OR10G3: variants seen among roughly 807,000 people sequenced by gnomAD.
The protein encoded by OR10G3 is olfactory receptor family 10 subfamily G member 3.
Under a neutral mutation model 13.4 loss-of-function variants are expected in OR10G3, and 8 were observed. The ratio of observed to expected loss-of-function variants is 0.60; its 90% CI spans 0.35 to 1.08. The LOEUF (loss-of-function observed/expected upper bound fraction) is 1.08, where lower values mean the gene tolerates loss of function less well. Ranked by LOEUF, OR10G3 falls within the 50% of genes least tolerant of loss-of-function variation. OR10G3 has a pLI of 0.02. For synonymous variants in OR10G3, 142 were observed against 156.1 expected (o/e 0.91, Z 0.67); for missense variants, 393 against 386.6 (o/e 1.02, Z -0.14).
chr14:21,572,608 C>CAAAAAAAAAAA (rs397852312), intron 1 of OR10G3, among the ~76,000 whole-genome samples: 161 of 110,404 alleles, frequency 1.5e-3, no homozygotes, highest in Middle Eastern at 5.8e-3. Context: ...AACAAACAAA[C>CAAAAAAAAAAA]AAAAAAAAAA....
intron 1 of OR10G3, among the ~76,000 whole-genome samples, chr14:21,574,585 C>G (rs1893107650): frequency 6.6e-6 from 1 of 152,060 alleles, no homozygotes; most frequent in African/African-American, 2.4e-5. Context: ...TATAATGGAT[C>G]TCAATCGTTA....
intron 1 of OR10G3, among the ~76,000 whole-genome samples, chr14:21,571,872 C>G (rs1317397380): frequency 6.7e-6 from 1 of 150,292 alleles, no homozygotes; most frequent in African/African-American, 2.4e-5. Context: ...CGGGGTTTCA[C>G]CATGTTGGCC....
chr14:21,570,370 C>T lies in OR10G3; in HGVS notation c.375G>A (p.Leu125=). The change falls in exon 2 of 2, where the codon CTG becomes CTA. Residue 125 remains leucine, a synonymous_variant. Transcript: ENST00000641040. ...GGTAGCGCAGGGGCTGACATATTGC[C>T]AGGTACCTGTCATAGGCCATTAGGG... ...LYTLMAYDRY[L]AICQPLRYPV... 1.2e-6 allele frequency: 2 copies of T among 1,614,142 alleles called. No individual in the cohort carries two copies. The highest frequency in any genetic ancestry group is 1.7e-6 in the Non-Finnish European group (2 of 1,180,010).
intron 1 of OR10G3, among the ~76,000 whole-genome samples, chr14:21,577,717 G>A (rs760146595): frequency 2.6e-5 from 4 of 152,198 alleles, no homozygotes; most frequent in Non-Finnish European, 5.9e-5. Flanking sequence ...TCTTAAAAAA[G>A]CCCGAGGGAG....
At chr14:21,579,092 C>T (rs1446773504) in intron 1 of OR10G3, among the ~76,000 whole-genome samples, 1 of 152,134 alleles carries the variant, frequency 6.6e-6, no homozygotes, top group African/African-American at 2.4e-5. Context: ...CCACAGAACT[C>T]GAAGATGCTC....
chr14:21,569,755 A>G lies in OR10G3; in HGVS notation c.*48T>C, dbSNP rs1358832925. 4.0e-6 allele frequency: 6 copies of G among 1,489,506 alleles called. No individual in the cohort carries two copies. The highest frequency in any genetic ancestry group is 1.2e-5 in the South Asian group (1 of 82,114). 92.3% of individuals were successfully genotyped at this position (1,489,506 alleles called of 1,614,324 possible). A position where few individuals can be genotyped will look rare whatever the true frequency, so the allele number is the denominator to read the frequency against. On this transcript the variant is annotated 3_prime_UTR_variant, in exon 2 of 2. Transcript: ENST00000641040. ...AAAAAGTTACCGAAGCCTAAACATT[A>G]TAATAAATTCTAATTGTGGCAGCTT...
At chr14:21,572,154 C>T (rs1441336362) in intron 1 of OR10G3, among the ~76,000 whole-genome samples, 2 of 151,104 alleles carry the variant, frequency 1.3e-5, no homozygotes, top group South Asian at 2.1e-4. Context: ...TAGCCAGGCA[C>T]GGTGGTGGGC....
intron 1 of OR10G3, among the ~76,000 whole-genome samples, chr14:21,577,814 C>T (rs2023437): frequency 0.13 from 19,972 of 151,722 alleles, 1,527 homozygotes; most frequent in African/African-American, 0.2. Context: ...ATCAGCCTGA[C>T]CAACGTGAAG....
rs376956932 is a variant in OR10G3 at position 21,568,705 on chromosome 14, T to A, written c.*1098A>T. 17,518 of 151,216 alleles carry A rather than the reference T, an allele frequency of 0.12. 1,183 individuals carry two copies. The highest frequency in any genetic ancestry group is 0.19 in the Middle Eastern group (55 of 296). 9.4% of individuals were successfully genotyped at this position (151,216 alleles called of 1,614,324 possible). On this transcript the variant is annotated 3_prime_UTR_variant, in exon 2 of 2. Transcript: ENST00000641040. ...TTAGTCAGGGGTCTCTTTGTTTTTT[T>A]TTTTTTTATTTTTTTATTTTTTTGA...
At chr14:21,571,682 C>CT (rs11290926) in intron 1 of OR10G3, among the ~76,000 whole-genome samples, 44,816 of 148,020 alleles carry the variant, frequency 0.3, 6,903 homozygotes, top group Non-Finnish European at 0.34. Context: ...ATTCGCATTT[C>CT]TTTTTTTTTT....
intron 1 of OR10G3, chr14:21,574,718 CAGA>C (rs1373847308): frequency 1.3e-5 from 2 of 152,160 alleles, no homozygotes; most frequent in African/African-American, 4.8e-5. Flanking sequence ...AAGGCTGAGG[CAGA>C]AGGATTGCTT....
Position 21,570,611 on chromosome 14 carries a change from A to G in OR10G3, c.134T>C (p.Ile45Thr). Residue 45 changes from isoleucine (I) to threonine (T), a missense_variant, in exon 2 of 2, where the codon ATT becomes ACT. Ile to Thr is a moderately conservative substitution (Grantham distance 89). Transcript: ENST00000641040. ...YILTQLGNLL[I>T]LITVWADPRL... ...TGGGTCTGCCCAGACAGTGATTAAA[A>G]TAAGCAGGTTTCCCAGCTGAGTCAG... is the stretch of plus-strand genomic sequence containing the variant. The G allele has an allele frequency of 6.2e-7, 1 of 1,614,148 alleles. No individual in the cohort carries two copies. Among genetic ancestry groups the G allele is most frequent in the East Asian group, 2.2e-5 (1 of 44,888 alleles).
chr14:21,570,493 C>T lies in OR10G3; in HGVS notation c.252G>A (p.Met84Ile). The T allele has an allele frequency of 1.9e-6, 3 of 1,614,126 alleles. No homozygotes were observed. The highest frequency in any genetic ancestry group is 1.7e-6 in the Non-Finnish European group (2 of 1,180,032). The change falls in exon 2 of 2, where the codon ATG becomes ATA. Residue 84 changes from methionine (M) to isoleucine (I), a missense_variant. Met to Ile is a conservative substitution (Grantham distance 10, BLOSUM62 1). Transcript: ENST00000641040. ...TGGGTTTGACACCTAAAGTGAAGTT[C>T]ATCATGAGGCGAGGGACAATGATGG... ...ISSIIVPRLMMNFTLGVKPIP... is the reference protein window; with the variant it reads ...ISSIIVPRLMINFTLGVKPIP...
rs780177278 is a variant in OR10G3 at position 21,570,172 on chromosome 14, A to C, written c.573T>G (p.Ala191=). The change falls in exon 2 of 2, where the codon GCT becomes GCG. Residue 191 remains alanine, a synonymous_variant. Transcript: ENST00000641040. ...TCACCAGCTCGTTGACTGTTGTGTC[A>C]GCACAGGCCAGTCTCAACACTGCAG... ...DIPAVLRLAC[A]DTTVNELVTF... 3 of 1,614,232 alleles carry C rather than the reference A, an allele frequency of 1.9e-6. No individual in the cohort carries two copies. The highest frequency in any genetic ancestry group is 2.5e-6 in the Non-Finnish European group (3 of 1,180,030).
chr14:21,571,429 A>G (rs924780596), intron 1 of OR10G3, among the ~76,000 whole-genome samples: 23 of 152,364 alleles, frequency 1.5e-4, no homozygotes, highest in African/African-American at 5.5e-4. Context: ...AGTGAGGACT[A>G]TCGCCACTAT....
chr14:21,579,425 A>T (rs1277279589), intron 1 of OR10G3, among the ~76,000 whole-genome samples: 1 of 151,960 alleles, frequency 6.6e-6, no homozygotes, highest in Non-Finnish European at 1.5e-5. Context: ...TTGTATTTTT[A>T]GTAGAGATGG....
At chr14:21,578,696 A>G (rs1876815800) in intron 1 of OR10G3, among the ~76,000 whole-genome samples, 1 of 150,878 alleles carries the variant, frequency 6.6e-6, no homozygotes, top group Non-Finnish European at 1.5e-5. Context: ...TTTTCTGAAA[A>G]TCGACTCAAA....
At chr14:21,575,850 AT>A (rs564915903) in intron 1 of OR10G3, among the ~76,000 whole-genome samples, 183 of 152,288 alleles carry the variant, frequency 1.2e-3, no homozygotes, top group Non-Finnish European at 2.3e-3. Context: ...CAGTTTATAA[AT>A]TCTTCAGTTT....
At chr14:21,572,383 G>T (rs1157063576) in intron 1 of OR10G3, among the ~76,000 whole-genome samples, 5 of 146,880 alleles carry the variant, frequency 3.4e-5, no homozygotes, top group Non-Finnish European at 7.4e-5. Context: ...TGGATCACAA[G>T]GTCAGGAATT....
Sources: allele counts gnomAD v4.1 joint callset (sites outside exome capture counted in the v4.1 genomes callset), GRCh38; gene constraint gnomAD v4.1.1; transcripts MANE v1.5; gene names NCBI Gene and HGNC (gene_info 2026-07-23, HGNC 2026-07-21).